Variants in JMJD1C observed in about 807,000 individuals in gnomAD.
JMJD1C encodes jumonji domain-containing protein 1C.
JMJD1C carries 31 observed loss-of-function variants against 245.3 expected under a neutral mutation model. That is an observed-to-expected ratio of 0.13 (90% CI 0.09 to 0.17). JMJD1C has a LOEUF of 0.17. Ranked by LOEUF, JMJD1C falls within the 10% of genes least tolerant of loss-of-function variation. JMJD1C has a pLI of 1.00. For synonymous variants in JMJD1C, 1,057 were observed against 1,017.4 expected, an observed-to-expected ratio of 1.04 and a Z score of -0.74; for missense variants, 2,691 against 3,000.2, an observed-to-expected ratio of 0.90 and a Z score of 2.41.
intron 3 of JMJD1C, among the ~76,000 whole-genome samples, chr10:63,221,117 A>G (rs1848554549): frequency 6.6e-6 from 1 of 151,654 alleles, no homozygotes; most frequent in African/African-American, 2.4e-5. Flanking sequence ...TAAAAAAAAA[A>G]AAAAAGTGGA....
In JMJD1C at chr10:63,208,717, T is replaced by C; in HGVS notation, c.2952A>G (p.Ser984=). 2 of 1,614,068 alleles carry C rather than the reference T, an allele frequency of 1.2e-6. No homozygotes were observed. The highest frequency in any genetic ancestry group is 2.2e-5 in the South Asian group (2 of 91,086). Residue 984 remains serine, a synonymous_variant, in exon 10 of 26, where the codon TCA becomes TCG. Coordinates refer to ENST00000399262, the MANE Select transcript of JMJD1C (RefSeq NM_032776.3). ...GTAAGTGACAATCTTTTCCAGTCTG[T>C]GACCTATTTAGATCCAGGTCATTTT... ...SAKNDLDLNR[S]QTGKDCHLHR...
intron 2 of JMJD1C, chr10:63,268,983 C>A: frequency 1.0e-6 from 1 of 985,584 alleles, no homozygotes; most frequent in Non-Finnish European, 1.2e-6. Context: ...GATTACAACT[C>A]GCTCTTTGTC....
intron 2 of JMJD1C, among the ~76,000 whole-genome samples, chr10:63,281,718 C>G (rs1857428203): frequency 6.6e-6 from 1 of 151,934 alleles, no homozygotes; most frequent in South Asian, 2.1e-4. Flanking sequence ...GATCTACCAC[C>G]TCGGCCTTCC....
At chr10:63,229,335 G>C (rs879271085) in intron 3 of JMJD1C, among the ~76,000 whole-genome samples, 11 of 151,804 alleles carry the variant, frequency 7.2e-5, no homozygotes, top group Non-Finnish European at 1.5e-4. Context: ...TTTCCAAAAC[G>C]TAATTATACA....
chr10:63,317,551 A>G (rs1940246762), intron 2 of JMJD1C, among the ~76,000 whole-genome samples: 1 of 152,136 alleles, frequency 6.6e-6, no homozygotes, highest in African/African-American at 2.4e-5. Context: ...ACACACACAC[A>G]CAATCATTCC....
chr10:63,207,137 G>A lies in JMJD1C; in HGVS notation c.4532C>T (p.Thr1511Ile), dbSNP rs762772056. 6.2e-7 allele frequency: 1 copy of A among 1,614,182 alleles called. No individual in the cohort carries two copies. Among genetic ancestry groups the A allele is most frequent in the African/African-American group, 1.3e-5 (1 of 75,050 alleles). ...ETEPNAIKNQTLSASLPLDST... is the reference protein window; with the variant it reads ...ETEPNAIKNQILSASLPLDST... Reference sequence around the variant, plus strand: ...ATCCAGAGGAAGGGAGGCTGAAAGTGTCTGATTTTTTATAGCATTAGGTTC... The same window carrying A: ...ATCCAGAGGAAGGGAGGCTGAAAGTATCTGATTTTTTATAGCATTAGGTTC... The change falls in exon 10 of 26, where the codon ACA becomes ATA. Residue 1511 changes from threonine (T) to isoleucine (I), a missense_variant. Coordinates refer to ENST00000399262, the MANE Select transcript of JMJD1C (RefSeq NM_032776.3).
At chr10:63,496,451 A>C (rs1954370478) in intron 1 of JMJD1C, among the ~76,000 whole-genome samples, 1 of 152,200 alleles carries the variant, frequency 6.6e-6, no homozygotes, top group Non-Finnish European at 1.5e-5. Context: ...TAACACACAT[A>C]ATATGATCTC....
intron 2 of JMJD1C, among the ~76,000 whole-genome samples, chr10:63,299,327 C>T (rs1240598841): frequency 2.0e-5 from 3 of 151,250 alleles, no homozygotes; most frequent in African/African-American, 7.3e-5. Flanking sequence ...GGATTACAGG[C>T]CTATGCCACC....
intron 2 of JMJD1C, among the ~76,000 whole-genome samples, chr10:63,343,887 A>T (rs994204693): frequency 6.6e-6 from 1 of 151,974 alleles, no homozygotes; most frequent in Admixed American, 6.6e-5. Context: ...AAATTACAAA[A>T]ATTAGCCAGG....
intron 1 of JMJD1C, among the ~76,000 whole-genome samples, chr10:63,515,768 T>C (rs893873169): frequency 2.6e-5 from 4 of 152,226 alleles, no homozygotes; most frequent in Admixed American, 2.0e-4. Flanking sequence ...CATGCTACAC[T>C]GGAAATTGGA....
chr10:63,226,995 G>A (rs377743240), intron 3 of JMJD1C, among the ~76,000 whole-genome samples: 1 of 152,094 alleles, frequency 6.6e-6, no homozygotes. Flanking sequence ...TTGAACCTGG[G>A]AGGCAGAAGT....
chr10:63,227,022 T>G (rs1256452293), intron 3 of JMJD1C, among the ~76,000 whole-genome samples: 1 of 152,068 alleles, frequency 6.6e-6, no homozygotes, highest in Admixed American at 6.6e-5. Flanking sequence ...GAGCCTAGAT[T>G]GTGCCACTGC....
Position 63,465,945 on chromosome 10 carries a change from CCCA to C in JMJD1C, c.-286_-284del. ...GCGGCCGTCGAAGACCCCGAGGCAGCCCAGCCGCCGCCACCGCGCCGCGGCCAG... is the reference window on the plus strand; with the variant it reads ...GCGGCCGTCGAAGACCCCGAGGCAGCGCCGCCGCCACCGCGCCGCGGCCAG... On this transcript the variant is annotated 5_prime_UTR_variant, in exon 1 of 26. Coordinates refer to ENST00000399262, the MANE Select transcript of JMJD1C (RefSeq NM_032776.3). 1 of 540,618 alleles carries C rather than the reference CCCA, an allele frequency of 1.8e-6. No individual in the cohort carries two copies. The highest frequency in any genetic ancestry group is 2.8e-5 in the Admixed American group (1 of 35,470). 33.5% of individuals were successfully genotyped at this position (540,618 alleles called of 1,614,324 possible). A position where few individuals can be genotyped will look rare whatever the true frequency, so the allele number is the denominator to read the frequency against.
In JMJD1C at chr10:63,193,078, G is replaced by A. The variant is rs753807904; in HGVS notation, c.5936C>T (p.Pro1979Leu). The part of the protein sequence containing the change: ...CMPESQQQNT[P>L]PKSEKNGGSS... ...GCCACCATTTTTCTCAGACTTCGGA[G>A]GAGTATTTTGCTGCTGAGACTCAGG... Residue 1979 changes from proline (P) to leucine (L), a missense_variant, in exon 16 of 26, where the codon CCT becomes CTT. Physicochemically the swap from Pro to Leu is moderately conservative, Grantham distance 98. This residue lies in a region of JMJD1C where 275 missense variants were observed against 285.5 expected (regional missense o/e 0.96). Coordinates refer to ENST00000399262, the MANE Select transcript of JMJD1C (RefSeq NM_032776.3). The A allele has an allele frequency of 1.1e-5, 18 of 1,613,954 alleles. No individual in the cohort carries two copies. The highest frequency in any genetic ancestry group is 1.5e-5 in the Non-Finnish European group (18 of 1,180,000).
intron 1 of JMJD1C, among the ~76,000 whole-genome samples, chr10:63,493,724 T>C (rs1954256830): frequency 6.6e-6 from 1 of 152,220 alleles, no homozygotes; most frequent in African/African-American, 2.4e-5. Context: ...AAATGTTCTC[T>C]TTTTGAACAT....
intron 1 of JMJD1C, among the ~76,000 whole-genome samples, chr10:63,484,797 C>T (rs866598709): frequency 6.6e-6 from 1 of 151,850 alleles, no homozygotes; most frequent in South Asian, 2.1e-4. Flanking sequence ...ATATTAATGA[C>T]ATATTTCTGA....
intron 1 of JMJD1C, among the ~76,000 whole-genome samples, chr10:63,399,362 T>C (rs1948710990): frequency 1.3e-5 from 2 of 152,182 alleles, no homozygotes; most frequent in African/African-American, 4.8e-5. Flanking sequence ...CTGGTACTTT[T>C]CTGCGGGAAA....
intron 2 of JMJD1C, among the ~76,000 whole-genome samples, chr10:63,266,392 T>A (rs993303269): frequency 2.6e-5 from 4 of 152,126 alleles, no homozygotes; most frequent in African/African-American, 9.6e-5. Context: ...TAGGATTTCA[T>A]AAAATCCTAT....
intron 1 of JMJD1C, among the ~76,000 whole-genome samples, chr10:63,396,792 G>C (rs1326991032): frequency 6.7e-6 from 1 of 150,202 alleles, no homozygotes; most frequent in African/African-American, 2.4e-5. Flanking sequence ...TACTTCCTTA[G>C]ATTCAGCAAA....
Sources: gnomAD v4.1 joint callset for allele counts (sites outside exome capture counted in the v4.1 genomes callset) on GRCh38, gnomAD v4.1.1 for gene constraint, gnomAD v4.1.1 regional missense constraint, MANE v1.5 for transcripts, NCBI Gene and HGNC (gene_info 2026-07-23, HGNC 2026-07-21) for gene names.